Variants in RELCH observed in about 807,000 individuals in gnomAD.
RELCH encodes RAB11-binding protein RELCH.
Under a neutral mutation model 150.3 loss-of-function variants are expected in RELCH, and 41 were observed. That is an observed-to-expected ratio of 0.27 (90% CI 0.21 to 0.35). The LOEUF (loss-of-function observed/expected upper bound fraction) is 0.35, where lower values mean the gene tolerates loss of function less well. RELCH is among the 10% of genes least tolerant of loss of function. The pLI is 1.00. For missense variants in RELCH, 1,092 were observed against 1,467.8 expected (o/e 0.74, Z 4.18); for synonymous variants, 478 against 531.8 (o/e 0.90, Z 1.39).
chr18:62,259,898 C>T (rs2043170874), intron 15 of RELCH, among the ~76,000 whole-genome samples: 2 of 151,710 alleles, frequency 1.3e-5, no homozygotes, highest in South Asian at 4.1e-4. Flanking sequence ...ACAGTTTCTT[C>T]AGTAAGTCAA....
At chr18:62,207,689 C>T (rs1048026250) in intron 1 of RELCH, among the ~76,000 whole-genome samples, 1 of 152,080 alleles carries the variant, frequency 6.6e-6, no homozygotes, top group African/African-American at 2.4e-5. Context: ...ATTCATATAC[C>T]ATCAATTCAC....
At chr18:62,196,792 G>A (rs946509914) in intron 1 of RELCH, among the ~76,000 whole-genome samples, 2 of 152,136 alleles carry the variant, frequency 1.3e-5, no homozygotes, top group African/African-American at 2.4e-5. Flanking sequence ...GGATTACAGC[G>A]ATCTAAAAGT....
chr18:62,207,454 T>TATG (rs1473561680), intron 1 of RELCH, among the ~76,000 whole-genome samples: 1 of 152,240 alleles, frequency 6.6e-6, no homozygotes, highest in Admixed American at 6.5e-5. Context: ...ATAATGCTGC[T>TATG]ATGAATAATT....
At chr18:62,209,877 A>G (rs1346522372) in intron 1 of RELCH, among the ~76,000 whole-genome samples, 1 of 152,200 alleles carries the variant, frequency 6.6e-6, no homozygotes, top group African/African-American at 2.4e-5. Flanking sequence ...GTGTTTGGAA[A>G]TGAAACTTGT....
intron 2 of RELCH, among the ~76,000 whole-genome samples, chr18:62,219,325 C>CTTTTTTTTTTTTTTTCTTTTTTT (rs2040689972): frequency 8.9e-6 from 1 of 112,878 alleles, no homozygotes; most frequent in African/African-American, 3.4e-5. Context: ...TTCTTTTTTT[C>CTTTTTTTTTTTTTTTCTTTTTTT]TTTTTTTTTT....
intron 1 of RELCH, among the ~76,000 whole-genome samples, chr18:62,195,239 T>A (rs576704478): frequency 6.6e-6 from 1 of 152,150 alleles, no homozygotes; most frequent in African/African-American, 2.4e-5. Context: ...ACCAATTAGA[T>A]CTTTTATATG....
rs533572316 is a variant in RELCH, at chr18:62,227,654, A to G, written c.1119A>G (p.Lys373=). ...AAATTAGTTTGTTAAATAGTGAGAA[A>G]TGGTCATTGATGGAGCAAATCAGAA... ...EDKISLLNSE[K]WSLMEQIRRL... is the part of the protein sequence containing the mutation. Residue 373 remains lysine (K), a synonymous_variant, in exon 7 of 29, where the codon AAA becomes AAG. Transcript: ENST00000644646. 3.0e-5 allele frequency: 47 copies of G among 1,558,432 alleles called. No homozygotes were observed. The African/African-American group carries it at 6.0e-4, about 20-fold the overall frequency.
chr18:62,189,073 T>A (rs938248473), intron 1 of RELCH, among the ~76,000 whole-genome samples: 1 of 152,198 alleles, frequency 6.6e-6, no homozygotes, highest in Non-Finnish European at 1.5e-5. Context: ...GCATTTTCTA[T>A]CAAGGTGAAT....
chr18:62,291,578 C>T lies in RELCH; in HGVS notation c.3406C>T (p.Pro1136Ser), dbSNP rs374433574. The change falls in exon 27 of 29, where the codon CCT becomes TCT. Residue 1136 changes from proline to serine, a missense_variant. Physicochemically the swap from Pro to Ser is moderately conservative, Grantham distance 74 (BLOSUM62 -1). Transcript: ENST00000644646. The part of the protein sequence containing the change: ...SEDLMVNHFL[P>S]GLRCLRTDME... ...GGATTTAATGGTTAATCACTTTTTACCTGGTCTCAGATGTTTACGGACTGA... is the reference window on the plus strand; with the variant it reads ...GGATTTAATGGTTAATCACTTTTTATCTGGTCTCAGATGTTTACGGACTGA... 2.7e-5 allele frequency: 43 copies of T among 1,610,672 alleles called. No homozygotes were observed. Among genetic ancestry groups the T allele is most frequent in the Non-Finnish European group, 3.6e-5 (42 of 1,178,390 alleles).
chr18:62,271,467 T>A (rs2043898421), intron 20 of RELCH, among the ~76,000 whole-genome samples: 1 of 152,154 alleles, frequency 6.6e-6, no homozygotes, highest in African/African-American at 2.4e-5. Flanking sequence ...GTTTGAGTTC[T>A]TTGTAGATTC....
intron 1 of RELCH, among the ~76,000 whole-genome samples, chr18:62,197,917 G>T (rs2039156808): frequency 6.6e-6 from 1 of 152,206 alleles, no homozygotes; most frequent in Admixed American, 6.5e-5. Context: ...CCTATTGTTT[G>T]AAGACCACTG....
chr18:62,239,665 C>T (rs189120846), intron 10 of RELCH, among the ~76,000 whole-genome samples: 135 of 152,130 alleles, frequency 8.9e-4, no homozygotes, highest in South Asian at 2.5e-3. Context: ...AGCACAGTTC[C>T]GGTCTGTCCC....
In RELCH at chr18:62,244,793, A is replaced by T; in HGVS notation, c.1650A>T (p.Ala550=). The T allele has an allele frequency of 6.2e-7, 1 of 1,613,222 alleles. No individual in the cohort carries two copies. The highest frequency in any genetic ancestry group is 8.5e-7 in the Non-Finnish European group (1 of 1,179,296). Residue 550 remains alanine (A), a synonymous_variant, in exon 11 of 29, where the codon GCA becomes GCT. Transcript: ENST00000644646. ...EELIPLILCT[A]CLHPEPKERD... The stretch of plus-strand genomic sequence containing the variant: ...TGATCCCCCTCATATTGTGTACAGC[A>T]TGTCTACATCCTGAGCCTAAAGAGC...
intron 9 of RELCH, 119 bp from the exon 10 acceptor site, chr18:62,232,213 T>A (rs2041626515): frequency 1.7e-6 from 1 of 601,086 alleles, no homozygotes; most frequent in Non-Finnish European, 3.0e-6. Flanking sequence ...TATCATAAGT[T>A]AAAATATTGG....
At chr18:62,299,465 A>G (rs1307703127) in intron 28 of RELCH, among the ~76,000 whole-genome samples, 1 of 152,162 alleles carries the variant, frequency 6.6e-6, no homozygotes, top group Non-Finnish European at 1.5e-5. Flanking sequence ...TACTTTTTTT[A>G]AGGCTAACTA....
In RELCH at chr18:62,302,833, G is replaced by A. The variant is rs987948700; in HGVS notation, c.3531-2581G>A. 1.4e-4 allele frequency among the ~76,000 whole-genome samples: 21 copies of A among 152,112 alleles called. 1 individual carries two copies. Among genetic ancestry groups the A allele is most frequent in the African/African-American group, 4.6e-4 (19 of 41,442 alleles). On this transcript the variant is annotated intron_variant, in intron 28 of 28. Transcript: ENST00000644646. ...AGCCGCTGTGCCTGGCCCAAATGGAGATTTTAAAGAGAAGAAAAGAGATAA... is the reference window on the plus strand; with the variant it reads ...AGCCGCTGTGCCTGGCCCAAATGGAAATTTTAAAGAGAAGAAAAGAGATAA...
intron 1 of RELCH, among the ~76,000 whole-genome samples, chr18:62,188,668 G>A (rs1414006445): frequency 1.3e-5 from 2 of 152,214 alleles, no homozygotes; most frequent in Non-Finnish European, 2.9e-5. Context: ...GGTTCTACCA[G>A]CAGTCTGTCT....
chr18:62,228,877 G>A (rs2041379194), intron 8 of RELCH, among the ~76,000 whole-genome samples: 1 of 152,008 alleles, frequency 6.6e-6, no homozygotes, highest in Non-Finnish European at 1.5e-5. Context: ...TTATTACTAT[G>A]TGCTGTAAAC....
chr18:62,256,429 C>A (rs2042994887), intron 13 of RELCH, among the ~76,000 whole-genome samples: 1 of 151,834 alleles, frequency 6.6e-6, no homozygotes, highest in South Asian at 2.1e-4. Flanking sequence ...AAGAAAATGC[C>A]TTATTGTTGT....
Sources: gnomAD v4.1 joint callset for allele counts (sites outside exome capture counted in the v4.1 genomes callset) on GRCh38, gnomAD v4.1.1 for gene constraint, MANE v1.5 for transcripts, NCBI Gene and HGNC (gene_info 2026-07-23, HGNC 2026-07-21) for gene names.